PKHD1: variants seen among roughly 807,000 people sequenced by gnomAD.
PKHD1 encodes PKHD1 ciliary IPT domain containing fibrocystin/polyductin, also known as fibrocystin.
In PKHD1, 291 loss-of-function variants were observed where a neutral mutation model predicts 412.0. The observed-to-expected ratio is 0.71, with a 90% confidence interval of 0.64 to 0.78. The LOEUF (loss-of-function observed/expected upper bound fraction) is 0.78. Among genes scored for constraint, PKHD1 ranks in the 30% least tolerant of loss-of-function variants. The pLI is 0.00. For missense variants in PKHD1, 4,825 were observed against 4,950.7 expected (o/e 0.97, Z 0.76); for synonymous variants, 1,777 against 1,821.5 (o/e 0.98, Z 0.62).
chr6:52,059,183 G>A (rs998737968), intron 15 of PKHD1, among the ~76,000 whole-genome samples: 1 of 151,846 alleles, frequency 6.6e-6, no homozygotes, highest in African/African-American at 2.4e-5. Flanking sequence ...GTAAATTTGG[G>A]GTTGAATCCT....
intron 5 of PKHD1, among the ~76,000 whole-genome samples, chr6:52,077,137 C>A (rs903178749): frequency 6.6e-6 from 1 of 152,138 alleles, no homozygotes; most frequent in Non-Finnish European, 1.5e-5. Flanking sequence ...GGTATGCAGA[C>A]GACATTCGAA....
chr6:51,836,725 G>A (rs1562425740), intron 50 of PKHD1, among the ~76,000 whole-genome samples: 3 of 152,188 alleles, frequency 2.0e-5, no homozygotes. Context: ...AACAAAAACA[G>A]AAACGAAACC....
chr6:51,622,853 T>A (rs1766797740), intron 66 of PKHD1: 1 of 152,156 alleles, frequency 6.6e-6, no homozygotes, highest in Non-Finnish European at 1.5e-5. Flanking sequence ...AATAGTCAAA[T>A]TTGCTAAACC....
At position 51,974,863 on chromosome 6, in the gene PKHD1, A is replaced by T. The variant is rs573623371; in HGVS notation, c.5752-14837T>A. Among the ~76,000 whole-genome samples the T allele has an allele frequency of 1.2e-4, 19 of 152,324 alleles. No homozygotes were observed. The South Asian group carries it at 3.7e-3, about 30-fold the overall frequency. On this transcript the variant is annotated intron_variant, in intron 35 of 66. Transcript: ENST00000371117. ...TCCCAAAAATCTATTGAAATAAAAAATAAAAATAATAGAAAGAAAAGGAGA... is the reference window on the plus strand; with the variant it reads ...TCCCAAAAATCTATTGAAATAAAAATTAAAAATAATAGAAAGAAAAGGAGA...
At chr6:51,840,642 A>G (rs1286920851) in intron 50 of PKHD1, among the ~76,000 whole-genome samples, 8 of 152,204 alleles carry the variant, frequency 5.3e-5, no homozygotes, top group Non-Finnish European at 2.9e-5. Flanking sequence ...TAAGCATTTC[A>G]GCTGTTTACA....
At chr6:51,960,328 A>C (rs937144056) in intron 35 of PKHD1, among the ~76,000 whole-genome samples, 1 of 152,148 alleles carries the variant, frequency 6.6e-6, no homozygotes, top group African/African-American at 2.4e-5. Flanking sequence ...ATTCTCCAAT[A>C]ACATGCTGGT....
intron 23 of PKHD1, 96 bp from the exon 24 acceptor site, chr6:52,046,284 C>T (rs994306266): frequency 4.6e-5 from 45 of 971,266 alleles, no homozygotes; most frequent in Admixed American, 1.7e-5. Context: ...TACTAGGATG[C>T]CTATCAAATT....
At chr6:51,969,750 T>C (rs996026334) in intron 35 of PKHD1, among the ~76,000 whole-genome samples, 2 of 152,164 alleles carry the variant, frequency 1.3e-5, no homozygotes, top group Non-Finnish European at 2.9e-5. Flanking sequence ...AGAATTCCAA[T>C]GTATGTGTGT....
intron 52 of PKHD1, among the ~76,000 whole-genome samples, chr6:51,806,086 T>C (rs1562352614): frequency 7.0e-6 from 1 of 142,104 alleles, no homozygotes; most frequent in African/African-American, 2.5e-5. Flanking sequence ...GGGGGAGGGA[T>C]AGGATTAGGA....
In PKHD1 at chr6:51,858,621, A is replaced by C. The variant is rs532535969; in HGVS notation, c.7734-2551T>G. ...TATGGGCTTGGATTTATTTAAATAA[A>C]TCTTGTGATTTATTTAAATCACAAG... On this transcript the variant is annotated intron_variant, in intron 48 of 66. Coordinates refer to ENST00000371117, the MANE Select transcript of PKHD1 (RefSeq NM_138694.4). 1.1e-4 allele frequency among the ~76,000 whole-genome samples: 17 copies of C among 150,326 alleles called. No homozygotes were observed. In the South Asian group the frequency reaches 1.5e-3, roughly 13 times the overall value.
At chr6:51,648,680 TAA>T (rs1770459026) in intron 62 of PKHD1, among the ~76,000 whole-genome samples, 4 of 152,196 alleles carry the variant, frequency 2.6e-5, no homozygotes, top group Admixed American at 2.0e-4. Flanking sequence ...TAATCACATA[TAA>T]GAGAGATTAT....
intron 20 of PKHD1, 25 bp downstream of exon 20, chr6:52,054,013 C>T (rs372240370): frequency 1.7e-5 from 27 of 1,613,336 alleles, no homozygotes; most frequent in African/African-American, 2.7e-5. Context: ...TGAATTCCCA[C>T]CACGCCTCCC....
intron 29 of PKHD1, among the ~76,000 whole-genome samples, chr6:52,031,667 C>T (rs777156442): frequency 5.9e-5 from 9 of 152,148 alleles, no homozygotes; most frequent in Non-Finnish European, 1.0e-4. Flanking sequence ...CCCTCTTATG[C>T]TTTTATTTTC....
chr6:51,782,197 G>C (rs560840218), intron 53 of PKHD1, among the ~76,000 whole-genome samples: 1 of 151,932 alleles, frequency 6.6e-6, no homozygotes. Flanking sequence ...AATGCCTTTA[G>C]TAAAGACTAA....
At chr6:52,056,137 A>G (rs971408921) in intron 18 of PKHD1, among the ~76,000 whole-genome samples, 3 of 152,086 alleles carry the variant, frequency 2.0e-5, no homozygotes, top group Non-Finnish European at 2.9e-5. Context: ...GCTATAAGAA[A>G]CTCATTCTGT....
At chr6:51,703,009 A>C (rs1779628529) in intron 60 of PKHD1, among the ~76,000 whole-genome samples, 1 of 151,862 alleles carries the variant, frequency 6.6e-6, no homozygotes, top group African/African-American at 2.4e-5. Flanking sequence ...CAAAGCACTA[A>C]AATGTAAGAG....
chr6:51,786,818 C>A (rs1056618897), intron 53 of PKHD1, among the ~76,000 whole-genome samples: 4 of 152,130 alleles, frequency 2.6e-5, no homozygotes, highest in Non-Finnish European at 5.9e-5. Flanking sequence ...ACATGGCAGA[C>A]GCTGAGTAAA....
At chr6:51,938,796 G>A (rs1787943156) in intron 36 of PKHD1, among the ~76,000 whole-genome samples, 1 of 151,554 alleles carries the variant, frequency 6.6e-6, no homozygotes, top group Non-Finnish European at 1.5e-5. Flanking sequence ...CTGGTCCTCA[G>A]ACCAAGGAAC....
intron 36 of PKHD1, among the ~76,000 whole-genome samples, chr6:51,951,102 A>G (rs1374477048): frequency 6.6e-6 from 1 of 152,206 alleles, no homozygotes; most frequent in Non-Finnish European, 1.5e-5. Flanking sequence ...AAATATTTAA[A>G]GGAACTCAAA....
Sources: gnomAD v4.1 joint callset for allele counts (sites outside exome capture counted in the v4.1 genomes callset) on GRCh38, gnomAD v4.1.1 for gene constraint, MANE v1.5 for transcripts, NCBI Gene and HGNC (gene_info 2026-07-23, HGNC 2026-07-21) for gene names.